Variants in TMEM132B observed in about 807,000 individuals in gnomAD.
The protein encoded by TMEM132B is transmembrane protein 132B.
In TMEM132B, 18 loss-of-function variants were observed where a neutral mutation model predicts 90.8. That is an observed-to-expected ratio of 0.20 (90% CI 0.14 to 0.29). The LOEUF (loss-of-function observed/expected upper bound fraction) is 0.29, where lower values mean the gene tolerates loss of function less well. TMEM132B is among the 10% of genes least tolerant of loss of function. The probability of loss-of-function intolerance (pLI) is 1.00; values close to 1 mark genes in which losing one functional copy is unlikely to be tolerated. For synonymous variants in TMEM132B, 504 were observed against 523.3 expected, an observed-to-expected ratio of 0.96 and a Z score of 0.50; for missense variants, 1,096 against 1,326.8, an observed-to-expected ratio of 0.83 and a Z score of 2.70.
At chr12:125,551,060 G>A (rs184815481) in intron 4 of TMEM132B, among the ~76,000 whole-genome samples, 103 of 152,336 alleles carry the variant, frequency 6.8e-4, no homozygotes, top group African/African-American at 2.4e-3. Flanking sequence ...TGATCCGCCC[G>A]CCTCGGCCTC....
chr12:125,191,275 G>T (rs1289513697), intron 1 of TMEM132B, among the ~76,000 whole-genome samples: 1 of 152,036 alleles, frequency 6.6e-6, no homozygotes, highest in Non-Finnish European at 1.5e-5. Context: ...ATGAAAGCAG[G>T]TGCTTCTTCC....
chr12:125,533,836 A>T (rs1321845476), intron 4 of TMEM132B, among the ~76,000 whole-genome samples: 1 of 152,268 alleles, frequency 6.6e-6, no homozygotes, highest in Non-Finnish European at 1.5e-5. Flanking sequence ...CTGGCACCTG[A>T]CAACCTGCTT....
intron 5 of TMEM132B, among the ~76,000 whole-genome samples, chr12:125,642,554 GA>G (rs1886659123): frequency 6.6e-6 from 1 of 152,146 alleles, no homozygotes; most frequent in Non-Finnish European, 1.5e-5. Context: ...CTTAGGCCTG[GA>G]AGGAAAAAGA....
At position 125,524,994 on chromosome 12, in the gene TMEM132B, G is replaced by A. The variant is rs562651898; in HGVS notation, c.1293+5369G>A. Among the ~76,000 whole-genome samples, 43 of 152,314 alleles carry A rather than the reference G, an allele frequency of 2.8e-4. 1 individual carries two copies. The South Asian group carries it at 8.5e-3, about 30-fold the overall frequency. On this transcript the variant is annotated intron_variant, in intron 4 of 8. Coordinates refer to ENST00000682704, the MANE Select transcript of TMEM132B (RefSeq NM_001366854.1). The stretch of plus-strand genomic sequence containing the variant: ...ATGGACATTAGCCAAGTGGAAAGAA[G>A]GAAGGTGTTCTAGGCAGATGGAATG...
intron 5 of TMEM132B, among the ~76,000 whole-genome samples, chr12:125,605,219 C>G (rs958733179): frequency 1.3e-5 from 2 of 152,154 alleles, no homozygotes; most frequent in Non-Finnish European, 2.9e-5. Context: ...TTTTCCCTTT[C>G]TTCCTGATAA....
chr12:125,300,128 G>A (rs1168094868), intron 1 of TMEM132B, among the ~76,000 whole-genome samples: 4 of 151,678 alleles, frequency 2.6e-5, no homozygotes, highest in East Asian at 1.9e-4. Flanking sequence ...CTTTCTTCAC[G>A]ATCACCCCAC....
Position 125,652,638 on chromosome 12 carries a change from C to T in TMEM132B, c.2106+6C>T, listed in dbSNP as rs768419456. On this transcript the variant is annotated splice_donor_region_variant and intron_variant, in intron 8 of 8. Coordinates refer to ENST00000682704, the MANE Select transcript of TMEM132B (RefSeq NM_001366854.1). ...TTCTTCAGTCCCCACAGCAGGTGAG[C>T]GTTCCAGGGGCCCTGCGTCCTTGGT... The T allele has an allele frequency of 1.4e-5, 22 of 1,607,136 alleles. No homozygotes were observed. Among genetic ancestry groups the T allele is most frequent in the Admixed American group, 1.7e-5 (1 of 59,384 alleles).
chr12:125,558,850 T>C (rs1243813721), intron 4 of TMEM132B, among the ~76,000 whole-genome samples: 1 of 152,164 alleles, frequency 6.6e-6, no homozygotes, highest in Admixed American at 6.5e-5. Flanking sequence ...AAAGGGCAAA[T>C]GAACTTGACA....
At chr12:125,435,495 C>T (rs2136415215) in intron 3 of TMEM132B, among the ~76,000 whole-genome samples, 1 of 152,304 alleles carries the variant, frequency 6.6e-6, no homozygotes, top group Middle Eastern at 3.4e-3. Context: ...CCAGCCCCAG[C>T]ATCCAGGACT....
At chr12:125,319,076 C>G (rs925798639) in intron 1 of TMEM132B, among the ~76,000 whole-genome samples, 1 of 152,154 alleles carries the variant, frequency 6.6e-6, no homozygotes, top group African/African-American at 2.4e-5. Flanking sequence ...AGAGGTGGCT[C>G]AGGTCCTGGT....
chr12:125,223,823 A>C (rs1024452984), intron 1 of TMEM132B, among the ~76,000 whole-genome samples: 1 of 151,858 alleles, frequency 6.6e-6, no homozygotes, highest in South Asian at 2.1e-4. Flanking sequence ...GTCTTACTCT[A>C]TTGCCTAGGG....
At chr12:125,618,944 G>A (rs1262042930) in intron 5 of TMEM132B, among the ~76,000 whole-genome samples, 6 of 152,146 alleles carry the variant, frequency 3.9e-5, no homozygotes, top group Non-Finnish European at 7.3e-5. Context: ...GGTAATTTCT[G>A]AGATTACTGA....
chr12:125,333,468 T>C (rs908622550), intron 1 of TMEM132B, among the ~76,000 whole-genome samples: 2 of 152,234 alleles, frequency 1.3e-5, no homozygotes, highest in East Asian at 1.9e-4. Context: ...GAAGAATAAA[T>C]GTCTAAGTCT....
chr12:125,431,467 T>C (rs907635990), intron 3 of TMEM132B, among the ~76,000 whole-genome samples: 2 of 152,054 alleles, frequency 1.3e-5, no homozygotes, highest in Non-Finnish European at 2.9e-5. Flanking sequence ...GGGCAGAAGG[T>C]GAGAGTGTCA....
At position 125,415,563 on chromosome 12, in the gene TMEM132B, C is replaced by T. The variant is rs776383335; in HGVS notation, c.992C>T (p.Ala331Val). 9.3e-6 allele frequency: 15 copies of T among 1,614,062 alleles called. No homozygotes were observed. The highest frequency in any genetic ancestry group is 3.3e-4 in the Middle Eastern group (2 of 6,084). Reference protein sequence around the residue: ...IKAAAGVKITAVRVSSEDQWA... With the variant: ...IKAAAGVKITVVRVSSEDQWA... The stretch of plus-strand genomic sequence containing the variant: ...GCGGCAGCAGGTGTGAAGATAACGG[C>T]AGTGAGAGTCAGCAGTGAGGACCAA... The change falls in exon 3 of 9, where the codon GCA (alanine) becomes GTA (valine). Residue 331 changes from alanine (A) to valine (V), a missense_variant. Transcript: ENST00000682704. The surrounding 1 kb of genome is among the most constrained non-coding windows in gnomAD (Gnocchi z 5.3).
chr12:125,264,405 A>G (rs537428716), intron 1 of TMEM132B, among the ~76,000 whole-genome samples: 1 of 152,192 alleles, frequency 6.6e-6, no homozygotes, highest in Non-Finnish European at 1.5e-5. Context: ...CAATCACTCT[A>G]CTAAGCTTTT....
intron 3 of TMEM132B, among the ~76,000 whole-genome samples, chr12:125,487,441 A>G (rs905527008): frequency 6.6e-6 from 1 of 152,236 alleles, no homozygotes. Context: ...TGAGGCTTGG[A>G]TGGAGTTTCT....
chr12:125,572,243 A>G (rs186145514), intron 4 of TMEM132B, among the ~76,000 whole-genome samples: 1 of 152,332 alleles, frequency 6.6e-6, no homozygotes, highest in Non-Finnish European at 1.5e-5. Context: ...GTGTCTCCCA[A>G]AATCCATGCG....
intron 1 of TMEM132B, among the ~76,000 whole-genome samples, chr12:125,316,332 G>A (rs1876272513): frequency 6.6e-6 from 1 of 152,160 alleles, no homozygotes; most frequent in South Asian, 2.1e-4. Context: ...CTGGTGGGGG[G>A]CGGGAGCAGT....
Sources: allele counts gnomAD v4.1 joint callset (sites outside exome capture counted in the v4.1 genomes callset), GRCh38; gene constraint gnomAD v4.1.1; non-coding constraint Gnocchi (gnomAD v3.1); transcripts MANE v1.5; gene names NCBI Gene and HGNC (gene_info 2026-07-23, HGNC 2026-07-21).